TOLLIP: variants seen among roughly 807,000 people sequenced by gnomAD.
TOLLIP encodes toll-interacting protein.
A neutral mutation model predicts 33.5 loss-of-function variants in TOLLIP; 16 were observed. That is an observed-to-expected ratio of 0.48 (90% confidence interval 0.32 to 0.72). The LOEUF is 0.72. Ranked by LOEUF, TOLLIP falls within the 30% of genes least tolerant of loss-of-function variation. The pLI is 0.03. For synonymous variants in TOLLIP, 176 were observed against 163.7 expected (o/e 1.07, Z -0.57); for missense variants, 325 against 396.6 (o/e 0.82, Z 1.53).
At position 1,305,161 on chromosome 11, in the gene TOLLIP, T is replaced by C. The variant is rs181411651; in HGVS notation, c.33+4305A>G. On this transcript the variant is annotated intron_variant, in intron 1 of 5. Coordinates refer to ENST00000317204, the MANE Select transcript of TOLLIP (RefSeq NM_019009.4). ...GTCCCCACACAGTGAAAAGATGTGA[T>C]TTCCAGGCAAGCACAGCAATTCCAC... Among the ~76,000 whole-genome samples, 8 of 152,332 alleles carry C rather than the reference T, an allele frequency of 5.3e-5. No homozygotes were observed. In the East Asian group the frequency reaches 1.5e-3, roughly 29 times the overall value.
intron 5 of TOLLIP, among the ~76,000 whole-genome samples, chr11:1,280,591 A>G (rs956547729): frequency 3.9e-5 from 6 of 152,116 alleles, no homozygotes; most frequent in Admixed American, 3.3e-4. Context: ...AACAGCGTCA[A>G]CGGGCAGCTG....
intron 3 of TOLLIP, among the ~76,000 whole-genome samples, chr11:1,289,740 C>A (rs769310531): frequency 6.6e-6 from 1 of 151,304 alleles, no homozygotes; most frequent in Non-Finnish European, 1.5e-5. Context: ...AGACCCTGTG[C>A]GCCCAGCGGG....
At chr11:1,300,813 G>A (rs989660137) in intron 1 of TOLLIP, among the ~76,000 whole-genome samples, 1 of 152,184 alleles carries the variant, frequency 6.6e-6, no homozygotes, top group African/African-American at 2.4e-5. Flanking sequence ...CCTGAAGCAC[G>A]GCTGGCCACA....
Position 1,277,197 on chromosome 11 carries a change from C to T in TOLLIP, c.667G>A (p.Val223Met), listed in dbSNP as rs762377289. 1.6e-5 allele frequency: 26 copies of T among 1,600,338 alleles called. No homozygotes were observed. The highest frequency in any genetic ancestry group is 4.5e-5 in the East Asian group (2 of 44,488). The change falls in exon 6 of 6, where the codon GTG becomes ATG. Residue 223 changes from valine (V) to methionine (M), a missense_variant. Val to Met is a conservative substitution (Grantham distance 21, BLOSUM62 1). Coordinates refer to ENST00000317204, the MANE Select transcript of TOLLIP (RefSeq NM_019009.4). The surrounding 1 kb of genome is among the most constrained non-coding windows in gnomAD (Gnocchi z 4.2). The stretch of plus-strand genomic sequence containing the variant: ...TCGCTACAGCGGGGCTGGGCGTTCA[C>T]GGCGGCCGGGGGCAGGGCCACGGGC... ...MVPVALPPAA[V>M]NAQPRCSEED...
chr11:1,280,347 C>G (rs1863452433), intron 5 of TOLLIP, among the ~76,000 whole-genome samples: 1 of 152,174 alleles, frequency 6.6e-6, no homozygotes, highest in Admixed American at 6.5e-5. Flanking sequence ...ATGGGCCTCC[C>G]CCTTGTCCAT....
chr11:1,304,554 C>T (rs1408244130), intron 1 of TOLLIP, among the ~76,000 whole-genome samples: 2 of 152,198 alleles, frequency 1.3e-5, no homozygotes, highest in African/African-American at 2.4e-5. Context: ...ACGGGGCGGC[C>T]GAGGTCTCCG....
Position 1,309,529 on chromosome 11 carries a change from C to G in TOLLIP, c.-31G>C. 1 of 1,286,630 alleles carries G rather than the reference C, an allele frequency of 7.8e-7. No homozygotes were observed. Among genetic ancestry groups the G allele is most frequent in the Non-Finnish European group, 9.9e-7 (1 of 1,008,238 alleles). The allele number at this position is 1,286,630 out of a possible 1,614,324, so 79.7% of individuals were successfully genotyped here. A position where few individuals can be genotyped will look rare whatever the true frequency, so the allele number is the denominator to read the frequency against. ...TGCGGCGGCCCCCGTGGCTCGCCGA[C>G]CCGACAGTGACGCGCCGGGCGACCT... is the stretch of plus-strand genomic sequence containing the variant. On this transcript the variant is annotated 5_prime_UTR_variant, in exon 1 of 6. Coordinates refer to ENST00000317204, the MANE Select transcript of TOLLIP (RefSeq NM_019009.4).
intron 5 of TOLLIP, 124 bp downstream of exon 5, chr11:1,285,878 C>T (rs2133892538): frequency 3.2e-6 from 2 of 634,834 alleles, no homozygotes; most frequent in Non-Finnish European, 5.4e-6. Flanking sequence ...AGCACGTCTA[C>T]AGGATTCTAG....
chr11:1,296,002 G>T (rs1864103385), intron 1 of TOLLIP, among the ~76,000 whole-genome samples: 1 of 152,204 alleles, frequency 6.6e-6, no homozygotes, highest in Non-Finnish European at 1.5e-5. Context: ...TACAGGTGCA[G>T]CCCTCACTCA....
chr11:1,280,667 G>C (rs370002766), intron 5 of TOLLIP, among the ~76,000 whole-genome samples: 11 of 152,178 alleles, frequency 7.2e-5, no homozygotes, highest in African/African-American at 2.6e-4. Context: ...CCAGGCTGGG[G>C]AGGCGCCGGA....
chr11:1,277,234 G>A lies in TOLLIP; in HGVS notation c.630C>T (p.Ser210=). ...VPITGMPAVC[S]PGMVPVALPP... is the part of the protein sequence containing the mutation. ...GCAGGGCCACGGGCACCATGCCGGGGCTACAGACAGCGGGCATCCCTGGAA... is the reference window on the plus strand; with the variant it reads ...GCAGGGCCACGGGCACCATGCCGGGACTACAGACAGCGGGCATCCCTGGAA... The change falls in exon 6 of 6, where the codon AGC becomes AGT. Residue 210 remains serine, a synonymous_variant. Coordinates refer to ENST00000317204, the MANE Select transcript of TOLLIP (RefSeq NM_019009.4). The surrounding 1 kb of genome is among the most constrained non-coding windows in gnomAD (Gnocchi z 4.2). 1 of 1,567,070 alleles carries A rather than the reference G, an allele frequency of 6.4e-7. No homozygotes were observed. The highest frequency in any genetic ancestry group is 1.2e-5 in the South Asian group (1 of 86,306).
chr11:1,286,370 G>A (rs983487579), intron 4 of TOLLIP, among the ~76,000 whole-genome samples: 6 of 152,224 alleles, frequency 3.9e-5, no homozygotes, highest in Admixed American at 3.3e-4. Flanking sequence ...ATGGTGACAG[G>A]AGGGACATCC....
At chr11:1,293,889 C>T (rs1370072807) in intron 2 of TOLLIP, among the ~76,000 whole-genome samples, 1 of 152,212 alleles carries the variant, frequency 6.6e-6, no homozygotes, top group African/African-American at 2.4e-5. Context: ...GCAGAGGGAT[C>T]GGCCACACCA....
At position 1,288,669 on chromosome 11, in the gene TOLLIP, C is replaced by T. The variant is rs1422034216; in HGVS notation, c.474G>A (p.Gln158=). The T allele has an allele frequency of 1.2e-6, 2 of 1,612,876 alleles. No homozygotes were observed. Among genetic ancestry groups the T allele is most frequent in the Non-Finnish European group, 1.7e-6 (2 of 1,179,808 alleles). The change falls in exon 4 of 6, where the codon CAG becomes CAA. Residue 158 remains glutamine (Q), a synonymous_variant. Coordinates refer to ENST00000317204, the MANE Select transcript of TOLLIP (RefSeq NM_019009.4). ...EDKWYSLSGR[Q]GDDKEGMINL... ...TGATCATGCCCTCCTTGTCGTCCCCCTGCCTCCCGCTCAGGCTGTACCACT... is the reference window on the plus strand; with the variant it reads ...TGATCATGCCCTCCTTGTCGTCCCCTTGCCTCCCGCTCAGGCTGTACCACT...
intron 1 of TOLLIP, among the ~76,000 whole-genome samples, chr11:1,301,005 G>C (rs1481021933): frequency 6.6e-6 from 1 of 152,274 alleles, no homozygotes; most frequent in African/African-American, 2.4e-5. Flanking sequence ...AAGGCTCAAC[G>C]AGTCTCAGCG....
At position 1,290,333 on chromosome 11, in the gene TOLLIP, T is replaced by C; in HGVS notation, c.260A>G (p.Glu87Gly). 6.2e-7 allele frequency: 1 copy of C among 1,613,602 alleles called. No individual in the cohort carries two copies. The highest frequency in any genetic ancestry group is 1.1e-5 in the South Asian group (1 of 91,082). The change falls in exon 3 of 6, where the codon GAG becomes GGG. Residue 87 changes from glutamate to glycine, a missense_variant. Transcript: ENST00000317204. This position sits in a 1 kb window ranked among gnomAD's most constrained non-coding sequence, Gnocchi z 4.9. ...CRLRLGYAVY[E>G]TPTAHNGAKN... ...GGCGCCATTGTGTGCCGTGGGCGTC[T>C]CGTACACCGCGTAGCCCAGGCGCAG...
chr11:1,290,334 C>T lies in TOLLIP; in HGVS notation c.259G>A (p.Glu87Lys). The change falls in exon 3 of 6, where the codon GAG (glutamate) becomes AAG (lysine). Residue 87 changes from glutamate (E) to lysine (K), a missense_variant. Coordinates refer to ENST00000317204, the MANE Select transcript of TOLLIP (RefSeq NM_019009.4). This position sits in a 1 kb window ranked among gnomAD's most constrained non-coding sequence, Gnocchi z 4.9. ...GCGCCATTGTGTGCCGTGGGCGTCT[C>T]GTACACCGCGTAGCCCAGGCGCAGT... ...CRLRLGYAVY[E>K]TPTAHNGAKN... 1 of 1,613,580 alleles carries T rather than the reference C, an allele frequency of 6.2e-7. No individual in the cohort carries two copies. Among genetic ancestry groups the T allele is most frequent in the Non-Finnish European group, 8.5e-7 (1 of 1,179,980 alleles).
At chr11:1,297,799 C>T (rs975931691) in intron 1 of TOLLIP, among the ~76,000 whole-genome samples, 5 of 152,250 alleles carry the variant, frequency 3.3e-5, no homozygotes, top group Non-Finnish European at 7.3e-5. Context: ...CAGCCTCCCC[C>T]AGGCAGCCTC....
chr11:1,307,929 G>C (rs1457856416), intron 1 of TOLLIP, among the ~76,000 whole-genome samples: 1 of 152,142 alleles, frequency 6.6e-6, no homozygotes, highest in Non-Finnish European at 1.5e-5. Flanking sequence ...TTATCTCCTC[G>C]GGAGAAACAC....
Sources: gnomAD v4.1 joint callset for allele counts (sites outside exome capture counted in the v4.1 genomes callset) on GRCh38, gnomAD v4.1.1 for gene constraint, Gnocchi (gnomAD v3.1) non-coding constraint, MANE v1.5 for transcripts, NCBI Gene and HGNC (gene_info 2026-07-23, HGNC 2026-07-21) for gene names.